ATAD1: variants seen among roughly 807,000 people sequenced by gnomAD.
ATAD1 encodes outer mitochondrial transmembrane helix translocase.
ATAD1 carries 18 observed loss-of-function variants against 42.7 expected under a neutral mutation model. The observed-to-expected ratio is 0.42, with a 90% confidence interval of 0.29 to 0.63. ATAD1 has a LOEUF of 0.63. ATAD1 is among the 20% of genes least tolerant of loss of function. The pLI is 0.19. For missense variants in ATAD1, 294 were observed against 440.4 expected (o/e 0.67, Z 2.98); for synonymous variants, 132 against 143.1 (o/e 0.92, Z 0.55).
chr10:87,775,294 G>A (rs148215904), intron 6 of ATAD1, among the ~76,000 whole-genome samples: 2,150 of 151,000 alleles, frequency 0.014, 36 homozygotes, highest in South Asian at 0.093. Flanking sequence ...GGTAGTGCAC[G>A]TCTGTAACCC....
intron 8 of ATAD1, among the ~76,000 whole-genome samples, chr10:87,758,276 C>CT (rs1854318173): frequency 6.6e-6 from 1 of 151,760 alleles, no homozygotes; most frequent in Non-Finnish European, 1.5e-5. Flanking sequence ...ATAGGTACCA[C>CT]TAAAGGATAG....
intron 3 of ATAD1, among the ~76,000 whole-genome samples, chr10:87,792,337 C>T (rs1856164198): frequency 6.6e-6 from 1 of 152,184 alleles, no homozygotes; most frequent in Admixed American, 6.5e-5. Flanking sequence ...GGGACTGAGT[C>T]TCCCGTGAGC....
chr10:87,821,333 G>T (rs1247598410), upstream of ATAD1, among the ~76,000 whole-genome samples: 1 of 152,020 alleles, frequency 6.6e-6, no homozygotes, highest in Non-Finnish European at 1.5e-5. Flanking sequence ...TTCAAGACCA[G>T]CCTGGCCAAC....
At chr10:87,777,507 C>T (rs1365572713) in intron 5 of ATAD1, among the ~76,000 whole-genome samples, 2 of 151,712 alleles carry the variant, frequency 1.3e-5, no homozygotes, top group African/African-American at 4.8e-5. Context: ...TCCAAATTAT[C>T]TACAATGAAC....
At chr10:87,803,285 A>C (rs1347105998) in intron 2 of ATAD1, among the ~76,000 whole-genome samples, 1 of 152,224 alleles carries the variant, frequency 6.6e-6, no homozygotes, top group Non-Finnish European at 1.5e-5. Flanking sequence ...GAAACTTGAG[A>C]CCAGAGACTC....
intron 4 of ATAD1, among the ~76,000 whole-genome samples, chr10:87,786,771 A>C (rs1381716700): frequency 6.6e-6 from 1 of 152,016 alleles, no homozygotes; most frequent in East Asian, 1.9e-4. Flanking sequence ...CCTGGCTAAT[A>C]CGGTGAAACC....
At chr10:87,783,713 G>A (rs1313635750) in intron 5 of ATAD1, among the ~76,000 whole-genome samples, 2 of 151,600 alleles carry the variant, frequency 1.3e-5, no homozygotes, top group African/African-American at 2.4e-5. Flanking sequence ...AATATAGCAA[G>A]AGTCCATTAA....
chr10:87,803,700 C>G (rs1446795877), intron 2 of ATAD1, among the ~76,000 whole-genome samples: 1 of 152,212 alleles, frequency 6.6e-6, no homozygotes, highest in African/African-American at 2.4e-5. Flanking sequence ...TCATCAGGAC[C>G]TCCTGAGGCT....
At chr10:87,789,682 A>C (rs1856001954) in intron 4 of ATAD1, among the ~76,000 whole-genome samples, 1 of 152,168 alleles carries the variant, frequency 6.6e-6, no homozygotes, top group African/African-American at 2.4e-5. Flanking sequence ...AGATCATGCC[A>C]CTGCATTTCA....
intron 5 of ATAD1, 84 bp downstream of exon 5, chr10:87,784,386 A>G (rs1275890785): frequency 7.8e-7 from 1 of 1,284,508 alleles, no homozygotes; most frequent in Non-Finnish European, 1.1e-6. Context: ...AACATGGCCT[A>G]ATAAATGTTA....
rs1027458879 is a variant in ATAD1, at chr10:87,811,860, C to G, written c.162+2578G>C. ...CTGAATTCCTACCACCAACACAAAC[C>G]CAACATGGCCAGATCAAATGTCATC... is the stretch of plus-strand genomic sequence containing the variant. On this transcript the variant is annotated intron_variant, in intron 2 of 9. Transcript: ENST00000680024. 2.0e-5 allele frequency among the ~76,000 whole-genome samples: 3 copies of G among 152,252 alleles called. No homozygotes were observed. The East Asian group carries it at 5.8e-4, about 29-fold the overall frequency.
chr10:87,833,004 C>T (rs1857861687), intron 1 of ATAD1: 1 of 152,112 alleles, frequency 6.6e-6, no homozygotes, highest in Non-Finnish European at 1.5e-5. Flanking sequence ...AACTTAGTGC[C>T]AACACCCAAG....
chr10:87,795,310 T>C (rs1052105998), intron 2 of ATAD1, among the ~76,000 whole-genome samples: 3 of 152,114 alleles, frequency 2.0e-5, no homozygotes, highest in African/African-American at 7.2e-5. Context: ...GAAGAAGTTA[T>C]ACAATTGCCT....
intron 4 of ATAD1, among the ~76,000 whole-genome samples, chr10:87,786,866 A>C (rs2040325568): frequency 6.6e-6 from 1 of 152,100 alleles, no homozygotes; most frequent in African/African-American, 2.4e-5. Flanking sequence ...GAGTTAGAAG[A>C]ATCTCTTAAA....
At chr10:87,783,170 A>G (rs1465925212) in intron 5 of ATAD1, among the ~76,000 whole-genome samples, 1 of 152,054 alleles carries the variant, frequency 6.6e-6, no homozygotes, top group African/African-American at 2.4e-5. Flanking sequence ...GCTTGGCCCC[A>G]AGAGTTTTAG....
chr10:87,828,753 T>C (rs948230923), intron 1 of ATAD1, among the ~76,000 whole-genome samples: 5 of 152,200 alleles, frequency 3.3e-5, no homozygotes, highest in Admixed American at 2.0e-4. Context: ...CTGACTCTCT[T>C]GTTAGGAGCT....
chr10:87,763,446 G>A (rs1478478612), intron 8 of ATAD1, among the ~76,000 whole-genome samples: 1 of 152,184 alleles, frequency 6.6e-6, no homozygotes, highest in Non-Finnish European at 1.5e-5. Context: ...ATACCTCGAG[G>A]TCAGGAGTTC....
intron 2 of ATAD1, among the ~76,000 whole-genome samples, chr10:87,809,219 A>G (rs945038535): frequency 6.6e-6 from 1 of 152,176 alleles, no homozygotes; most frequent in Admixed American, 6.5e-5. Context: ...ACCCCAACAC[A>G]CTCAAAAATC....
At chr10:87,821,771 A>G (rs1454000369), upstream of ATAD1, among the ~76,000 whole-genome samples, 1 of 152,226 alleles carries the variant, frequency 6.6e-6, no homozygotes, top group Non-Finnish European at 1.5e-5. Context: ...ATGCCAGTAT[A>G]TTGGATTTCC....
Sources: gnomAD v4.1 joint callset for allele counts (sites outside exome capture counted in the v4.1 genomes callset) on GRCh38, gnomAD v4.1.1 for gene constraint, MANE v1.5 for transcripts, NCBI Gene and HGNC (gene_info 2026-07-23, HGNC 2026-07-21) for gene names.